Variants in INPP4B observed in about 807,000 individuals in gnomAD.
INPP4B encodes the protein inositol polyphosphate 4-phosphatase type II.
INPP4B carries 55 observed loss-of-function variants against 122.5 expected under a neutral mutation model. The ratio of observed to expected loss-of-function variants is 0.45; its 90% CI spans 0.36 to 0.56. The LOEUF (loss-of-function observed/expected upper bound fraction) is 0.56. INPP4B is among the 20% of genes least tolerant of loss of function. INPP4B has a pLI of 0.00. For missense variants in INPP4B, 1,000 were observed against 1,097.7 expected, an observed-to-expected ratio of 0.91 and a Z score of 1.26; for synonymous variants, 403 against 388.7, an observed-to-expected ratio of 1.04 and a Z score of -0.43.
chr4:142,079,986 A>T (rs67406876), intron 25 of INPP4B, among the ~76,000 whole-genome samples: 16,991 of 152,120 alleles, frequency 0.11, 1,260 homozygotes, highest in South Asian at 0.24. Flanking sequence ...TTTAACCAAC[A>T]TTATTTAGTG....
rs551949155 is a variant in INPP4B at position 142,154,036 on chromosome 4, T to A, written c.1563+6322A>T. Among the ~76,000 whole-genome samples the A allele has an allele frequency of 6.6e-5, 10 of 152,230 alleles. No individual in the cohort carries two copies. The South Asian group carries it at 2.1e-3, about 32-fold the overall frequency. On this transcript the variant is annotated intron_variant, in intron 17 of 25. Coordinates refer to ENST00000262992, the MANE Select transcript of INPP4B (RefSeq NM_001101669.3). Reference sequence around the variant, plus strand: ...TGGAGAAGTTCAGGAATGTTTCCCATCCATCAAGAAAACAGAGGATAGAAC... The same window carrying A: ...TGGAGAAGTTCAGGAATGTTTCCCAACCATCAAGAAAACAGAGGATAGAAC...
intron 11 of INPP4B, among the ~76,000 whole-genome samples, chr4:142,254,232 G>C (rs566175489): frequency 6.6e-6 from 1 of 151,984 alleles, no homozygotes; most frequent in African/African-American, 2.4e-5. Flanking sequence ...ACCAAAAGTA[G>C]ATAAAACCAC....
chr4:142,644,906 A>C (rs1751402239), intron 2 of INPP4B, among the ~76,000 whole-genome samples: 2 of 18,054 alleles, frequency 1.1e-4, no homozygotes, highest in South Asian at 1.8e-3. Context: ...ACTCCATCTC[A>C]AAAAAAAAAA....
At chr4:142,701,181 G>T (rs1761710123) in intron 2 of INPP4B, among the ~76,000 whole-genome samples, 1 of 152,098 alleles carries the variant, frequency 6.6e-6, no homozygotes, top group South Asian at 2.1e-4. Flanking sequence ...TTTCAGAAAA[G>T]TGCAGGTGGT....
intron 1 of INPP4B, among the ~76,000 whole-genome samples, chr4:142,764,545 C>T (rs1771803346): frequency 6.6e-6 from 1 of 152,102 alleles, no homozygotes; most frequent in African/African-American, 2.4e-5. Context: ...ACATAACCAT[C>T]TTGTTTTGAC....
chr4:142,823,952 C>T (rs1781108497), intron 1 of INPP4B, among the ~76,000 whole-genome samples: 1 of 152,102 alleles, frequency 6.6e-6, no homozygotes. Context: ...AAAGATCGAC[C>T]CTCACCAATG....
chr4:142,260,211 C>G (rs1488201547), intron 11 of INPP4B, among the ~76,000 whole-genome samples: 1 of 152,138 alleles, frequency 6.6e-6, no homozygotes, highest in East Asian at 1.9e-4. Context: ...GTCTCAATCT[C>G]TTGACCTCAT....
At chr4:142,431,494 C>A in intron 3 of INPP4B, 109 bp from the exon 4 acceptor site, 1 of 519,754 alleles carries the variant, frequency 1.9e-6, no homozygotes, top group South Asian at 2.3e-5. Flanking sequence ...TTTCTTCCTG[C>A]CTACTCCACT....
intron 7 of INPP4B, among the ~76,000 whole-genome samples, chr4:142,349,350 A>C (rs1814133): frequency 0.32 from 48,361 of 151,826 alleles, 8,750 homozygotes; most frequent in South Asian, 0.45. Context: ...GGGATGCTTC[A>C]TTTTTGTCTG....
intron 2 of INPP4B, among the ~76,000 whole-genome samples, chr4:142,682,786 C>A (rs1476990440): frequency 6.6e-6 from 1 of 151,860 alleles, no homozygotes; most frequent in East Asian, 1.9e-4. Context: ...GAAGAGTATT[C>A]TGTTTTGGAA....
chr4:142,055,213 A>C (rs1183651778), intron 25 of INPP4B, among the ~76,000 whole-genome samples: 1 of 152,154 alleles, frequency 6.6e-6, no homozygotes, highest in Non-Finnish European at 1.5e-5. Flanking sequence ...AGTGTGATAC[A>C]TTAAAGTTTG....
At chr4:142,271,590 TA>T (rs1330734913) in intron 9 of INPP4B, among the ~76,000 whole-genome samples, 1 of 152,184 alleles carries the variant, frequency 6.6e-6, no homozygotes, top group Non-Finnish European at 1.5e-5. Context: ...TGCTACTAAG[TA>T]CAAAAGATTC....
At chr4:142,110,208 T>C (rs533147150) in intron 22 of INPP4B, among the ~76,000 whole-genome samples, 3 of 152,176 alleles carry the variant, frequency 2.0e-5, no homozygotes, top group African/African-American at 7.2e-5. Flanking sequence ...GCTCTTTCTT[T>C]CCACAGGCAC....
Position 142,399,189 on chromosome 4 carries a change from CTTTTTTTTTTT to C in INPP4B, c.372+3738_372+3748del, listed in dbSNP as rs70949166. On this transcript the variant is annotated intron_variant, in intron 7 of 25. Coordinates refer to ENST00000262992, the MANE Select transcript of INPP4B (RefSeq NM_001101669.3). Reference sequence around the variant, plus strand: ...CTTTTCCTTTCTAAATTTCCTTTTGCTTTTTTTTTTTTTTTTTTTTTTTTTTGAGTCGGAGT... The same window carrying C: ...CTTTTCCTTTCTAAATTTCCTTTTGCTTTTTTTTTTTTTTTGAGTCGGAGT... Among the ~76,000 whole-genome samples, 122 of 57,006 alleles carry C rather than the reference CTTTTTTTTTTT, an allele frequency of 2.1e-3. 1 individual carries two copies. Among genetic ancestry groups the C allele is most frequent in the African/African-American group, 7.8e-3 (111 of 14,312 alleles). The allele number at this position is 57,006 out of a possible 152,430, so 37.4% of individuals were successfully genotyped here.
chr4:142,163,030 T>C lies in INPP4B; in HGVS notation c.1360-2469A>G, dbSNP rs576009151. Among the ~76,000 whole-genome samples, 13 of 151,906 alleles carry C rather than the reference T, an allele frequency of 8.6e-5. No individual in the cohort carries two copies. The East Asian group carries it at 1.6e-3, about 18-fold the overall frequency. On this transcript the variant is annotated intron_variant, in intron 16 of 25. Coordinates refer to ENST00000262992, the MANE Select transcript of INPP4B (RefSeq NM_001101669.3). ...AGCACTACTTAGTGATGTAGACCAG[T>C]GTAGACCATTGATGTTTCGCAGTCA...
chr4:142,563,926 T>G (rs7694593), intron 2 of INPP4B, among the ~76,000 whole-genome samples: 55,341 of 151,508 alleles, frequency 0.37, 11,049 homozygotes, highest in East Asian at 0.8. Context: ...GCTGCCCACC[T>G]ACACATGGGT....
intron 7 of INPP4B, among the ~76,000 whole-genome samples, chr4:142,370,760 CA>C (rs1021531351): frequency 6.6e-6 from 1 of 151,716 alleles, no homozygotes; most frequent in Non-Finnish European, 1.5e-5. Context: ...ATGAAAATTG[CA>C]AAACATCAAA....
intron 7 of INPP4B, among the ~76,000 whole-genome samples, chr4:142,384,290 G>A (rs973521973): frequency 3.3e-5 from 5 of 152,196 alleles, no homozygotes; most frequent in Admixed American, 6.5e-5. Context: ...TTACAGTCAT[G>A]CATTGCATAA....
chr4:142,393,946 C>T (rs1185709019), intron 7 of INPP4B, among the ~76,000 whole-genome samples: 9 of 152,304 alleles, frequency 5.9e-5, no homozygotes, highest in Non-Finnish European at 1.2e-4. Flanking sequence ...TTTCATTGCT[C>T]AATTAAACTC....
Sources: gnomAD v4.1 joint callset for allele counts (sites outside exome capture counted in the v4.1 genomes callset) on GRCh38, gnomAD v4.1.1 for gene constraint, MANE v1.5 for transcripts, NCBI Gene and HGNC (gene_info 2026-07-23, HGNC 2026-07-21) for gene names.